ABL1: variants seen among roughly 807,000 people sequenced by gnomAD.
ABL1 encodes tyrosine-protein kinase ABL1.
Under a neutral mutation model 94.7 loss-of-function variants are expected in ABL1, and 11 were observed. The ratio of observed to expected loss-of-function variants is 0.12; its 90% CI spans 0.07 to 0.19. The LOEUF (loss-of-function observed/expected upper bound fraction) is 0.19. Ranked by LOEUF, ABL1 falls within the 10% of genes least tolerant of loss-of-function variation. The pLI is 1.00. For missense variants in ABL1, 1,082 were observed against 1,489.4 expected (o/e 0.73, Z 4.50); for synonymous variants, 656 against 622.4 (o/e 1.05, Z -0.80).
intron 1 of ABL1, among the ~76,000 whole-genome samples, chr9:130,716,431 A>G (rs1472008503): frequency 6.6e-6 from 1 of 152,112 alleles, no homozygotes; most frequent in African/African-American, 2.4e-5. Flanking sequence ...TGAAGCAGCA[A>G]AAATTATTAA....
intron 1 of ABL1, among the ~76,000 whole-genome samples, chr9:130,724,404 A>T (rs1253492975): frequency 1.3e-5 from 2 of 152,096 alleles, no homozygotes; most frequent in African/African-American, 2.4e-5. Context: ...GTATCCTAGG[A>T]CTTTTTATCT....
Position 130,872,811 on chromosome 9 carries a change from C to A in ABL1, c.908-49C>A. The A allele has an allele frequency of 1.3e-6, 2 of 1,554,674 alleles. No homozygotes were observed. Among genetic ancestry groups the A allele is most frequent in the South Asian group, 1.2e-5 (1 of 84,118 alleles). On this transcript the variant is annotated intron_variant, in intron 5 of 10. Coordinates refer to ENST00000318560, the MANE Select transcript of ABL1 (RefSeq NM_005157.6). The surrounding 1 kb of genome is among the most constrained non-coding windows in gnomAD (Gnocchi z 5.0). Reference sequence around the variant, plus strand: ...CTTTTTCTTTAGACAGTTGTTTGTTCAGTTGGGAGCGGAGCCACGTGTTGA... The same window carrying A: ...CTTTTTCTTTAGACAGTTGTTTGTTAAGTTGGGAGCGGAGCCACGTGTTGA...
At chr9:130,738,771 G>T (rs767022656) in intron 1 of ABL1, among the ~76,000 whole-genome samples, 73 of 152,206 alleles carry the variant, frequency 4.8e-4, no homozygotes, top group Non-Finnish European at 8.5e-4. Flanking sequence ...ACCTATCAAT[G>T]ACATTAAGTG....
At chr9:130,717,642 A>G (rs2132668092) in intron 1 of ABL1, among the ~76,000 whole-genome samples, 1 of 150,806 alleles carries the variant, frequency 6.6e-6, no homozygotes, top group East Asian at 2.0e-4. Flanking sequence ...ATAGAGGGAG[A>G]CCGTGTCTCT....
chr9:130,852,667 T>A (rs1180308168), intron 1 of ABL1, among the ~76,000 whole-genome samples: 1 of 152,118 alleles, frequency 6.6e-6, no homozygotes, highest in Non-Finnish European at 1.5e-5. Flanking sequence ...CTGGAGCGTT[T>A]GAGCCCTGTT....
At chr9:130,867,677 G>A (rs527585988) in intron 4 of ABL1, among the ~76,000 whole-genome samples, 8 of 152,334 alleles carry the variant, frequency 5.3e-5, no homozygotes, top group South Asian at 4.1e-4. Context: ...GAAAGAAGCC[G>A]AGAAGAAGGG....
intron 1 of ABL1, among the ~76,000 whole-genome samples, chr9:130,805,421 T>C (rs1235849349): frequency 6.6e-6 from 1 of 152,206 alleles, no homozygotes; most frequent in African/African-American, 2.4e-5. Context: ...TGAATAAACC[T>C]TCTACAATCA....
At chr9:130,750,406 TC>T (rs1831945621) in intron 1 of ABL1, among the ~76,000 whole-genome samples, 2 of 11,562 alleles carry the variant, frequency 1.7e-4, no homozygotes, top group Admixed American at 8.4e-4. Context: ...CCTTCCTCCC[TC>T]CCTCCCTCCC....
chr9:130,872,481 C>G lies in ABL1; in HGVS notation c.907+268C>G, dbSNP rs1192407807. Among the ~76,000 whole-genome samples the G allele has an allele frequency of 2.0e-5, 3 of 152,240 alleles. No homozygotes were observed. The highest frequency in any genetic ancestry group is 7.2e-5 in the African/African-American group (3 of 41,464). Reference sequence around the variant, plus strand: ...TCAAATGCAAATCTGAAATTAGTTTCTGAAACTTGGGCATTTTCCAGAGTT... The same window carrying G: ...TCAAATGCAAATCTGAAATTAGTTTGTGAAACTTGGGCATTTTCCAGAGTT... On this transcript the variant is annotated intron_variant, in intron 5 of 10. Coordinates refer to ENST00000318560, the MANE Select transcript of ABL1 (RefSeq NM_005157.6). The surrounding 1 kb of genome is among the most constrained non-coding windows in gnomAD (Gnocchi z 5.0).
intron 1 of ABL1, among the ~76,000 whole-genome samples, chr9:130,720,642 G>A (rs984195564): frequency 6.6e-6 from 1 of 152,084 alleles, no homozygotes; most frequent in African/African-American, 2.4e-5. Context: ...TTTTCCGAGG[G>A]GACTATACTA....
At chr9:130,726,262 C>T (rs1831584827) in intron 1 of ABL1, among the ~76,000 whole-genome samples, 1 of 152,162 alleles carries the variant, frequency 6.6e-6, no homozygotes, top group African/African-American at 2.4e-5. Flanking sequence ...ATTCCACTAT[C>T]TTGCTTAAGA....
intron 1 of ABL1, among the ~76,000 whole-genome samples, chr9:130,739,063 G>A (rs530448579): frequency 6.6e-6 from 1 of 152,112 alleles, no homozygotes; most frequent in African/African-American, 2.4e-5. Flanking sequence ...GCTAATTTTT[G>A]TATTTTTTTT....
intron 1 of ABL1, among the ~76,000 whole-genome samples, chr9:130,782,447 AAG>A (rs1829767969): frequency 2.6e-5 from 4 of 152,192 alleles, no homozygotes; most frequent in Admixed American, 2.6e-4. Flanking sequence ...ATCCTGACCC[AAG>A]TTTGAAGAGA....
chr9:130,811,488 G>A (rs965196343), intron 1 of ABL1, among the ~76,000 whole-genome samples: 2 of 152,302 alleles, frequency 1.3e-5, no homozygotes, highest in South Asian at 2.1e-4. Flanking sequence ...GCAGCACAAA[G>A]ACTGGGAGTG....
intron 1 of ABL1, among the ~76,000 whole-genome samples, chr9:130,815,485 A>G (rs1387018495): frequency 6.6e-6 from 1 of 151,972 alleles, no homozygotes; most frequent in Non-Finnish European, 1.5e-5. Context: ...TTTTTCTGTC[A>G]AACCCCGTAC....
rs183584931 is a variant in ABL1, at chr9:130,770,122, C to T, written c.136+55667C>T. 1.1e-4 allele frequency among the ~76,000 whole-genome samples: 16 copies of T among 152,180 alleles called. No individual in the cohort carries two copies. In the East Asian group the frequency reaches 3.1e-3, roughly 29 times the overall value. On this transcript the variant is annotated intron_variant, in intron 1 of 10. Coordinates refer to the ABL1 transcript ENST00000372348. Reference sequence around the variant, plus strand: ...GACAGTGCTCCAGGGTCCTAGAGCACAGAACTCTGGCTTTGTTGTCTTTAT... The same window carrying T: ...GACAGTGCTCCAGGGTCCTAGAGCATAGAACTCTGGCTTTGTTGTCTTTAT...
chr9:130,808,147 T>C (rs1830153175), intron 1 of ABL1, among the ~76,000 whole-genome samples: 1 of 152,000 alleles, frequency 6.6e-6, no homozygotes, highest in South Asian at 2.1e-4. Flanking sequence ...AAATTTTGAC[T>C]TCATTTTTTT....
rs540671313 is a variant in ABL1 at position 130,849,777 on chromosome 9, G to A, written c.80-4287G>A. On this transcript the variant is annotated intron_variant, in intron 1 of 10. Coordinates refer to ENST00000318560, the MANE Select transcript of ABL1 (RefSeq NM_005157.6). ...AAGTGATTGCCCGCCTTGGCCTCCCGAAGTGGTGGGATTACAGGTGTGAGC... is the reference window on the plus strand; with the variant it reads ...AAGTGATTGCCCGCCTTGGCCTCCCAAAGTGGTGGGATTACAGGTGTGAGC... Among the ~76,000 whole-genome samples the A allele has an allele frequency of 8.5e-4, 129 of 152,238 alleles. 1 individual carries two copies. The highest frequency in any genetic ancestry group is 6.2e-4 in the South Asian group (3 of 4,814).
chr9:130,816,238 A>G (rs1379735492), intron 1 of ABL1, among the ~76,000 whole-genome samples: 1 of 152,108 alleles, frequency 6.6e-6, no homozygotes, highest in Non-Finnish European at 1.5e-5. Flanking sequence ...TCTGCCAGGA[A>G]GGTGCTTCCT....
Sources: allele counts gnomAD v4.1 joint callset (sites outside exome capture counted in the v4.1 genomes callset), GRCh38; gene constraint gnomAD v4.1.1; non-coding constraint Gnocchi (gnomAD v3.1); transcripts MANE v1.5; gene names NCBI Gene and HGNC (gene_info 2026-07-23, HGNC 2026-07-21).